Variants in TPST1 observed in about 807,000 individuals in gnomAD.
TPST1 encodes the protein protein-tyrosine sulfotransferase 1.
TPST1 carries 20 observed loss-of-function variants against 34.8 expected under a neutral mutation model. The observed-to-expected ratio is 0.57, with a 90% confidence interval of 0.40 to 0.84. The LOEUF is 0.84. TPST1 is among the 40% of genes least tolerant of loss of function. The probability of loss-of-function intolerance (pLI) is 0.00; values close to 1 mark genes in which losing one functional copy is unlikely to be tolerated. For missense variants in TPST1, 353 were observed against 455.5 expected, an observed-to-expected ratio of 0.78 and a Z score of 2.05; for synonymous variants, 152 against 159.4, an observed-to-expected ratio of 0.95 and a Z score of 0.35.
chr7:66,312,262 A>T (rs1448855692), intron 3 of TPST1, among the ~76,000 whole-genome samples: 1 of 152,218 alleles, frequency 6.6e-6, no homozygotes, highest in Non-Finnish European at 1.5e-5. Flanking sequence ...GCAAGAGAAC[A>T]TTTGCAGTGA....
chr7:66,231,416 A>C (rs1789789417), intron 1 of TPST1, among the ~76,000 whole-genome samples: 1 of 152,126 alleles, frequency 6.6e-6, no homozygotes, highest in Admixed American at 6.5e-5. Flanking sequence ...AGGGGGTGGC[A>C]CTTGTCAGGG....
chr7:66,272,217 C>T (rs1444559676), intron 2 of TPST1, among the ~76,000 whole-genome samples: 1 of 152,112 alleles, frequency 6.6e-6, no homozygotes, highest in Non-Finnish European at 1.5e-5. Context: ...CAAAAATCCT[C>T]AACAAAATAT....
intron 3 of TPST1, among the ~76,000 whole-genome samples, chr7:66,319,872 T>A (rs1791714818): frequency 6.6e-6 from 1 of 152,188 alleles, no homozygotes; most frequent in African/African-American, 2.4e-5. Context: ...CAGAAATATT[T>A]ATTTTTCTTT....
At chr7:66,285,060 T>C (rs1554348879) in intron 2 of TPST1, among the ~76,000 whole-genome samples, 1 of 152,184 alleles carries the variant, frequency 6.6e-6, no homozygotes, top group Non-Finnish European at 1.5e-5. Context: ...TTCCTTATTA[T>C]CTTCAAGGTA....
At chr7:66,276,861 A>G (rs991641149) in intron 2 of TPST1, among the ~76,000 whole-genome samples, 4 of 151,662 alleles carry the variant, frequency 2.6e-5, no homozygotes, top group African/African-American at 7.3e-5. Context: ...TCTTTTAACA[A>G]CTCTTTATGG....
At chr7:66,311,131 C>CT (rs200392067) in intron 3 of TPST1, among the ~76,000 whole-genome samples, 177 of 150,084 alleles carry the variant, frequency 1.2e-3, no homozygotes, top group East Asian at 6.6e-3. Context: ...AGTATTTTGT[C>CT]TTTTTTTTGT....
intron 3 of TPST1, among the ~76,000 whole-genome samples, chr7:66,321,120 G>T (rs1007674196): frequency 6.6e-6 from 1 of 152,170 alleles, no homozygotes; most frequent in East Asian, 1.9e-4. Flanking sequence ...TACAGCAAAA[G>T]GATATGAAGT....
chr7:66,220,858 A>G (rs1180222760), intron 1 of TPST1, among the ~76,000 whole-genome samples: 1 of 152,126 alleles, frequency 6.6e-6, no homozygotes, highest in African/African-American at 2.4e-5. Context: ...CCTGGCTGGG[A>G]GCGGTGGCTA....
chr7:66,337,299 ATTTTTTTTTT>A (rs749288846), intron 3 of TPST1, among the ~76,000 whole-genome samples: 1 of 107,724 alleles, frequency 9.3e-6, no homozygotes, highest in Non-Finnish European at 1.8e-5. Flanking sequence ...TAAAAGACAA[ATTTTTTTTTT>A]TTTTTTTTTT....
At chr7:66,331,865 T>C (rs1476712219) in intron 3 of TPST1, among the ~76,000 whole-genome samples, 1 of 152,140 alleles carries the variant, frequency 6.6e-6, no homozygotes, top group Non-Finnish European at 1.5e-5. Context: ...TAGATTCTCA[T>C]AGGAGCACGA....
chr7:66,329,709 C>T (rs1791958901), intron 3 of TPST1, among the ~76,000 whole-genome samples: 1 of 152,116 alleles, frequency 6.6e-6, no homozygotes, highest in South Asian at 2.1e-4. Context: ...ATAAAGATGT[C>T]CACTTCCATT....
chr7:66,218,366 G>A (rs1470054313), intron 1 of TPST1, among the ~76,000 whole-genome samples: 1 of 152,104 alleles, frequency 6.6e-6, no homozygotes, highest in East Asian at 1.9e-4. Context: ...TTCTTTGAAG[G>A]CAGATGATAA....
intron 2 of TPST1, among the ~76,000 whole-genome samples, chr7:66,284,774 C>T (rs1584207373): frequency 6.6e-6 from 1 of 152,096 alleles, no homozygotes; most frequent in East Asian, 1.9e-4. Flanking sequence ...CCAGGATGGT[C>T]TCGAACTCCT....
chr7:66,253,043 G>A (rs1790300869), intron 2 of TPST1, among the ~76,000 whole-genome samples: 1 of 152,132 alleles, frequency 6.6e-6, no homozygotes, highest in Admixed American at 6.5e-5. Context: ...ACATTCAGGG[G>A]GGAAAAATTC....
chr7:66,221,427 TC>T (rs749526671), intron 1 of TPST1, among the ~76,000 whole-genome samples: 2 of 152,172 alleles, frequency 1.3e-5, no homozygotes, highest in Non-Finnish European at 2.9e-5. Context: ...AGAAAGTGGT[TC>T]ATTGACCAAT....
intron 3 of TPST1, among the ~76,000 whole-genome samples, chr7:66,331,025 C>T (rs922014011): frequency 1.3e-5 from 2 of 152,198 alleles, no homozygotes; most frequent in African/African-American, 2.4e-5. Flanking sequence ...AGCTGGGCTG[C>T]AGTCATCCAA....
chr7:66,284,126 C>A (rs1255685265), intron 2 of TPST1, among the ~76,000 whole-genome samples: 2 of 152,290 alleles, frequency 1.3e-5, no homozygotes, highest in East Asian at 3.9e-4. Context: ...ACAGCAAAGC[C>A]TTTGCAAAGT....
At chr7:66,248,934 C>T (rs986530466) in intron 2 of TPST1, among the ~76,000 whole-genome samples, 5 of 152,072 alleles carry the variant, frequency 3.3e-5, no homozygotes, top group Admixed American at 6.6e-5. Flanking sequence ...GTTTTGGAGG[C>T]TGGGATGTCC....
intron 3 of TPST1, among the ~76,000 whole-genome samples, chr7:66,296,844 G>A (rs1791212292): frequency 2.0e-5 from 3 of 152,002 alleles, no homozygotes; most frequent in Admixed American, 2.0e-4. Context: ...TTTATACCCT[G>A]TCCCACCATA....
Sources: gnomAD v4.1 joint callset for allele counts (sites outside exome capture counted in the v4.1 genomes callset) on GRCh38, gnomAD v4.1.1 for gene constraint, MANE v1.5 for transcripts, NCBI Gene and HGNC (gene_info 2026-07-23, HGNC 2026-07-21) for gene names.